HDAC7: variants seen among roughly 807,000 people sequenced by gnomAD.
HDAC7 encodes the protein histone deacetylase 7A.
HDAC7 carries 26 observed loss-of-function variants against 115.5 expected under a neutral mutation model. The ratio of observed to expected loss-of-function variants is 0.23; its 90% confidence interval spans 0.16 to 0.31. The LOEUF (loss-of-function observed/expected upper bound fraction) is 0.31. HDAC7 is among the 10% of genes least tolerant of loss of function. The pLI, the probability that HDAC7 is intolerant of heterozygous loss-of-function variation, is 1.00. For synonymous variants in HDAC7, 564 were observed against 550.9 expected (o/e 1.02, Z -0.33); for missense variants, 1,068 against 1,329.0 (o/e 0.80, Z 3.05).
At chr12:47,808,835 C>T (rs1442917455) in intron 1 of HDAC7, among the ~76,000 whole-genome samples, 1 of 152,210 alleles carries the variant, frequency 6.6e-6, no homozygotes, top group Non-Finnish European at 1.5e-5. Flanking sequence ...GTCCACACTA[C>T]CCTAAGATTT....
At chr12:47,819,461 C>T (rs1944952162) in intron 1 of HDAC7, among the ~76,000 whole-genome samples, 1 of 152,180 alleles carries the variant, frequency 6.6e-6, no homozygotes, top group African/African-American at 2.4e-5. Context: ...CACCGGCGGC[C>T]GGGGCCTCCA....
chr12:47,796,692 G>C (rs1293287407), intron 7 of HDAC7, among the ~76,000 whole-genome samples: 2 of 152,182 alleles, frequency 1.3e-5, no homozygotes, highest in African/African-American at 4.8e-5. Flanking sequence ...CCAAAGTGCT[G>C]AGATTATAGG....
Position 47,789,826 on chromosome 12 carries a change from G to A in HDAC7, c.2078C>T (p.Ser693Phe), listed in dbSNP as rs1592638190. The stretch of plus-strand genomic sequence containing the variant: ...CAAACCTCCTACCTTTAGCTCACGA[G>A]AAGCCACTTTGAAGGCGAGGTCAGT... ...SVTDLAFKVA[S>F]RELKNGFAVV... The change falls in exon 17 of 26, where the codon TCT (serine) becomes TTT (phenylalanine). Residue 693 changes from serine to phenylalanine, a missense_variant. By Grantham distance (155) the Ser-to-Phe change is radical. Transcript: ENST00000080059. 1 of 1,613,486 alleles carries A rather than the reference G, an allele frequency of 6.2e-7. No individual in the cohort carries two copies. Among genetic ancestry groups the A allele is most frequent in the East Asian group, 2.2e-5 (1 of 44,884 alleles).
rs1156871182 is a variant in HDAC7 at position 47,784,167 on chromosome 12, C to G, written c.2842G>C (p.Val948Leu). 6.2e-7 allele frequency: 1 copy of G among 1,613,452 alleles called. No individual in the cohort carries two copies. The highest frequency in any genetic ancestry group is 1.1e-5 in the South Asian group (1 of 90,962). ...TTGTCAGCCCCTGGCACTCTAGGCA[C>G]CCAGGAGTCTGGACAGGAGGCCAGG... ...QRLASCPDSW[V>L]PRVPGADKEE... The change falls in exon 25 of 26, where the codon GTG becomes CTG. Residue 948 changes from valine to leucine, a missense_variant. Val to Leu is a conservative substitution (Grantham distance 32). Around this residue, in one of 6 missense-constraint regions of HDAC7, gnomAD observed 98 missense variants for 123.9 expected, o/e 0.79. Coordinates refer to ENST00000080059, the MANE Select transcript of HDAC7 (RefSeq NM_015401.5).
chr12:47,784,789 G>A, intron 24 of HDAC7: 1 of 1,535,446 alleles, frequency 6.5e-7, no homozygotes, highest in Non-Finnish European at 8.7e-7. Flanking sequence ...CTGGCTCAGT[G>A]TGAGGGCACC....
intron 2 of HDAC7, 188 bp from the exon 3 acceptor site, chr12:47,799,160 AG>A: frequency 1.8e-6 from 1 of 554,926 alleles, no homozygotes; most frequent in Non-Finnish European, 3.2e-6. Context: ...TTTACTCGTG[AG>A]AAAAAAGTCA....
In HDAC7 at chr12:47,792,331, C is replaced by G. The variant is rs186043625; in HGVS notation, c.1679-327G>C. ...GGCCCAGGACTCGAGGGCCCAGCAC[C>G]AGGCCCTCAAGTGCTCAGAGCAAAG... On this transcript the variant is annotated intron_variant, in intron 13 of 25. Coordinates refer to ENST00000080059, the MANE Select transcript of HDAC7 (RefSeq NM_015401.5). 1,022 of 413,144 alleles carry G rather than the reference C, an allele frequency of 2.5e-3. 12 individuals carry two copies. Among genetic ancestry groups the G allele is most frequent in the African/African-American group, 0.019 (938 of 49,860 alleles). The allele number at this position is 413,144 out of a possible 1,614,324, so 25.6% of individuals were successfully genotyped here. A position where few individuals can be genotyped will look rare whatever the true frequency, so the allele number is the denominator to read the frequency against.
In HDAC7 at chr12:47,789,516, G is replaced by A. The variant is rs756702943; in HGVS notation, c.2147+7C>T. ...CTCATCCCACCCAGGTCTTCCCTTAGCCTTACATGGCTGTTGAATGATCTG... is the reference window on the plus strand; with the variant it reads ...CTCATCCCACCCAGGTCTTCCCTTAACCTTACATGGCTGTTGAATGATCTG... On this transcript the variant is annotated splice_region_variant and intron_variant, in intron 18 of 25. Coordinates refer to ENST00000080059, the MANE Select transcript of HDAC7 (RefSeq NM_015401.5). The A allele has an allele frequency of 6.2e-7, 1 of 1,614,038 alleles. No individual in the cohort carries two copies. Among genetic ancestry groups the A allele is most frequent in the East Asian group, 2.2e-5 (1 of 44,890 alleles).
At chr12:47,800,679 G>A (rs898688755) in intron 2 of HDAC7, among the ~76,000 whole-genome samples, 6 of 152,168 alleles carry the variant, frequency 3.9e-5, no homozygotes, top group South Asian at 2.1e-4. Flanking sequence ...CTGGCTTCCC[G>A]GGGTGACTCC....
At chr12:47,802,350 C>G in intron 1 of HDAC7, 76 bp from the exon 2 acceptor site, 2 of 1,541,108 alleles carry the variant, frequency 1.3e-6, no homozygotes, top group Non-Finnish European at 1.8e-6. Context: ...GAAGGTCAAG[C>G]CAGGCCTGCT....
At position 47,793,434 on chromosome 12, in the gene HDAC7, G is replaced by A; in HGVS notation, c.1613C>T (p.Pro538Leu). 1 of 1,561,218 alleles carries A rather than the reference G, an allele frequency of 6.4e-7. No homozygotes were observed. Among genetic ancestry groups the A allele is most frequent in the Non-Finnish European group, 8.7e-7 (1 of 1,152,666 alleles). ...AAPASLSAPE[P>L]ASQARVLSSS... ...GGAGAGGACTCGGGCCTGGCTGGCA[G>A]GCTCTGGGGCTGACAGTGAGGCAGG... The change falls in exon 13 of 26, where the codon CCT (proline) becomes CTT (leucine). Residue 538 changes from proline (P) to leucine (L), a missense_variant. By Grantham distance (98) the Pro-to-Leu change is moderately conservative. Transcript: ENST00000080059. The surrounding 1 kb of genome is among the most constrained non-coding windows in gnomAD (Gnocchi z 4.5).
At chr12:47,801,647 A>C (rs951136882) in intron 2 of HDAC7, among the ~76,000 whole-genome samples, 1 of 152,218 alleles carries the variant, frequency 6.6e-6, no homozygotes, top group Non-Finnish European at 1.5e-5. Context: ...GATACTGGCT[A>C]CACTAAAGGA....
At chr12:47,786,532 C>T (rs556126152) in intron 22 of HDAC7, 53 bp downstream of exon 22, 42 of 1,342,914 alleles carry the variant, frequency 3.1e-5, no homozygotes, top group African/African-American at 2.4e-4. Context: ...CCCAACTCCC[C>T]GCACCGCCTG....
At chr12:47,819,905 G>A (rs1435416557), upstream of HDAC7, 1 of 155,788 alleles carries the variant, frequency 6.4e-6, no homozygotes. Context: ...GAGAGGAAGG[G>A]AGGGGGCCGG....
chr12:47,795,648 G>A lies in HDAC7; in HGVS notation c.1026C>T (p.Pro342=), dbSNP rs776429699. The A allele has an allele frequency of 5.1e-6, 8 of 1,555,106 alleles. No homozygotes were observed. The highest frequency in any genetic ancestry group is 3.9e-5 in the Admixed American group (2 of 51,506). The change falls in exon 10 of 26, where the codon CCC becomes CCT. Residue 342 remains proline (P), a synonymous_variant. Coordinates refer to ENST00000080059, the MANE Select transcript of HDAC7 (RefSeq NM_015401.5). This position sits in a 1 kb window ranked among gnomAD's most constrained non-coding sequence, Gnocchi z 4.3. The part of the protein sequence containing the change: ...GLEPEAGGTL[P]SRLQPILLLD... ...GGAGGAGAATGGGCTGCAGGCGAGA[G>A]GGCAAGGTGCCCCCAGCCTCGGGCT...
chr12:47,815,952 C>T (rs551940218), intron 1 of HDAC7, among the ~76,000 whole-genome samples: 32 of 144,858 alleles, frequency 2.2e-4, no homozygotes, highest in Non-Finnish European at 3.3e-4. Context: ...AGTGCAATGG[C>T]GTGATCTTGG....
intron 1 of HDAC7, among the ~76,000 whole-genome samples, chr12:47,806,019 T>C (rs1397521580): frequency 1.3e-5 from 2 of 152,246 alleles, no homozygotes; most frequent in African/African-American, 4.8e-5. Context: ...CCAAAAGTTG[T>C]TAGGATAAGT....
upstream of HDAC7, chr12:47,820,691 TCTCTTCCTCCCATTC>T (rs955742214): frequency 3.9e-5 from 6 of 152,052 alleles, no homozygotes; most frequent in Non-Finnish European, 5.9e-5. The surrounding 1 kb of genome is among the most constrained non-coding windows in gnomAD (Gnocchi z 4.3). Context: ...CTCCTCTTCC[TCTCTTCCTCCCATTC>T]CTCTCCCTCC....
intron 1 of HDAC7, among the ~76,000 whole-genome samples, chr12:47,814,811 C>T (rs140663850): frequency 0.012 from 1,772 of 152,302 alleles, 32 homozygotes; most frequent in Non-Finnish European, 0.018. Context: ...AGGTGGGAGA[C>T]GGCATCAATG....
Sources: gnomAD v4.1 joint callset for allele counts (sites outside exome capture counted in the v4.1 genomes callset) on GRCh38, gnomAD v4.1.1 for gene constraint, gnomAD v4.1.1 regional missense constraint, Gnocchi (gnomAD v3.1) non-coding constraint, MANE v1.5 for transcripts, NCBI Gene and HGNC (gene_info 2026-07-23, HGNC 2026-07-21) for gene names.